The following SMARCB1 variants were observed in gnomAD, a reference collection of about 807,000 sequenced individuals.
SMARCB1 encodes SWI/SNF-related matrix-associated actin-dependent regulator of chromatin subfamily B member 1.
Under a neutral mutation model 49.0 loss-of-function variants are expected in SMARCB1, and 5 were observed. The observed-to-expected ratio is 0.10, with a 90% confidence interval of 0.05 to 0.21. SMARCB1 has a LOEUF of 0.21. Ranked by LOEUF, SMARCB1 falls within the 10% of genes least tolerant of loss-of-function variation. The probability of loss-of-function intolerance (pLI) is 1.00; values close to 1 mark genes in which losing one functional copy is unlikely to be tolerated. For missense variants in SMARCB1, 226 were observed against 509.2 expected (o/e 0.44, Z 5.35); for synonymous variants, 201 against 200.1 (o/e 1.00, Z -0.04).
Position 23,793,626 on chromosome 22 carries a change from G to A in SMARCB1, c.300G>A (p.Leu100=), listed in dbSNP as rs768661574. 2 of 1,614,086 alleles carry A rather than the reference G, an allele frequency of 1.2e-6. No homozygotes were observed. The highest frequency in any genetic ancestry group is 3.3e-5 in the Admixed American group (2 of 60,022). ...AAGCCTCGGAAGTGGAAGAGATTCTGGATGGCAACGATGAGAAGTACAAGG... is the reference window on the plus strand; with the variant it reads ...AAGCCTCGGAAGTGGAAGAGATTCTAGATGGCAACGATGAGAAGTACAAGG... The part of the protein sequence containing the change: ...LLKASEVEEI[L]DGNDEKYKAV... Residue 100 remains leucine (L), a synonymous_variant, in exon 3 of 9, where the codon CTG becomes CTA. Coordinates refer to ENST00000644036, the MANE Select transcript of SMARCB1 (RefSeq NM_003073.5).
intron 5 of SMARCB1, among the ~76,000 whole-genome samples, chr22:23,810,527 CAA>C (rs201408640): frequency 6.3e-5 from 5 of 79,572 alleles, no homozygotes; most frequent in Non-Finnish European, 8.8e-5. Context: ...GACTCTGTCT[CAA>C]AAAAAAAAAA....
rs1272825068 is a variant in SMARCB1, at chr22:23,834,498, TCATGTTCAATTTCTTC to T, written c.*319_*334del. 3.0e-5 allele frequency: 15 copies of T among 507,260 alleles called. No individual in the cohort carries two copies. The highest frequency in any genetic ancestry group is 3.6e-4 in the Middle Eastern group (1 of 2,812). The allele number at this position is 507,260 out of a possible 1,614,324, so 31.4% of individuals were successfully genotyped here. A position where few individuals can be genotyped will look rare whatever the true frequency, so the allele number is the denominator to read the frequency against. ...CAGTTTTTAAATAAAAGGCAACAGG[TCATGTTCAATTTCTTC>T]AACAGGTCATGTTCAATTTCTTCAA... On this transcript the variant is annotated 3_prime_UTR_variant, in exon 9 of 9. Coordinates refer to ENST00000644036, the MANE Select transcript of SMARCB1 (RefSeq NM_003073.5).
rs574082406 is a variant in SMARCB1, at chr22:23,805,407, G to A, written c.628+1985G>A. ...GCCTGTTATCTCTGCCAAGCTCCCC[G>A]TTTATCTCTGCTGGCCCACATCATA... On this transcript the variant is annotated intron_variant, in intron 5 of 8. Coordinates refer to ENST00000644036, the MANE Select transcript of SMARCB1 (RefSeq NM_003073.5). 4.0e-4 allele frequency among the ~76,000 whole-genome samples: 61 copies of A among 152,298 alleles called. No homozygotes were observed. In the South Asian group the frequency reaches 0.011, roughly 27 times the overall value.
chr22:23,825,210 T>C lies in SMARCB1; in HGVS notation c.796-15T>C. 1 of 1,613,186 alleles carries C rather than the reference T, an allele frequency of 6.2e-7. No homozygotes were observed. Among genetic ancestry groups the C allele is most frequent in the South Asian group, 1.1e-5 (1 of 91,064 alleles). ...TGCAAAAGCTCTAACTTGTGTCCTT[T>C]GGTTGTTGCCTCAGCTGAACATCCA... On this transcript the variant is annotated splice_polypyrimidine_tract_variant and intron_variant, in intron 6 of 8. Transcript: ENST00000644036.
Position 23,834,372 on chromosome 22 carries a change from A to ACCCCCCCCCCCCCCCCCCC in SMARCB1, c.*196_*197insCCCCCCCCCCCCCCCCCCC. ...TTGTTGAGCCCCAGTCCTGCCCCCCACCCCACCCTCCCTACCCCTCCCCAG... is the reference window on the plus strand; with the variant it reads ...TTGTTGAGCCCCAGTCCTGCCCCCCACCCCCCCCCCCCCCCCCCCCCCCACCCTCCCTACCCCTCCCCAG... On this transcript the variant is annotated 3_prime_UTR_variant, in exon 9 of 9. Transcript: ENST00000644036. 1 of 388,640 alleles carries ACCCCCCCCCCCCCCCCCCC rather than the reference A, an allele frequency of 2.6e-6. No individual in the cohort carries two copies. Among genetic ancestry groups the ACCCCCCCCCCCCCCCCCCC allele is most frequent in the Non-Finnish European group, 4.6e-6 (1 of 218,296 alleles). 24.1% of individuals were successfully genotyped at this position (388,640 alleles called of 1,614,324 possible). A position where few individuals can be genotyped will look rare whatever the true frequency, so the allele number is the denominator to read the frequency against.
intron 5 of SMARCB1, among the ~76,000 whole-genome samples, chr22:23,806,646 G>A (rs2145988907): frequency 6.6e-6 from 1 of 152,304 alleles, no homozygotes; most frequent in Non-Finnish European, 1.5e-5. Context: ...GATTGGCCAG[G>A]CGTGGTGGCT....
At chr22:23,833,479 A>C in intron 7 of SMARCB1, 93 bp from the exon 8 acceptor site, 1 of 1,555,698 alleles carries the variant, frequency 6.4e-7, no homozygotes, top group Non-Finnish European at 8.8e-7. Context: ...TGCTGCTGGG[A>C]GGAGCAGGGC....
intron 2 of SMARCB1, chr22:23,793,328 C>A (rs1387667993): frequency 3.3e-6 from 2 of 614,166 alleles, no homozygotes; most frequent in Non-Finnish European, 6.0e-6. Flanking sequence ...GCTCCTGGGG[C>A]AGATTAGTCC....
chr22:23,820,561 G>A (rs2030031007), intron 6 of SMARCB1, among the ~76,000 whole-genome samples: 1 of 152,228 alleles, frequency 6.6e-6, no homozygotes, highest in African/African-American at 2.4e-5. Flanking sequence ...CTGACAGCGA[G>A]ACTCTGACTC....
rs886788437 is a variant in SMARCB1, at chr22:23,787,162, C to T, written c.-8C>T. ...GCCCGGCTCCGGCCGCCCGCCTCTG[C>T]CGCCGCAATGATGATGATGGCGCTG... is the stretch of plus-strand genomic sequence containing the variant. On this transcript the variant is annotated 5_prime_UTR_variant, in exon 1 of 9. Transcript: ENST00000644036. 1.3e-6 allele frequency: 2 copies of T among 1,599,630 alleles called. No homozygotes were observed. Among genetic ancestry groups the T allele is most frequent in the African/African-American group, 1.3e-5 (1 of 74,216 alleles).
At chr22:23,806,000 G>A (rs541485308) in intron 5 of SMARCB1, among the ~76,000 whole-genome samples, 5 of 152,344 alleles carry the variant, frequency 3.3e-5, no homozygotes, top group Non-Finnish European at 5.9e-5. Context: ...TAAAGCAAAT[G>A]AAAACGGAGT....
Position 23,837,731 on chromosome 22 carries a change from C to T in SMARCB1, c.*3551C>T, listed in dbSNP as rs1186068358. 3.7e-6 allele frequency: 6 copies of T among 1,613,996 alleles called. 1 individual carries two copies. Among genetic ancestry groups the T allele is most frequent in the Middle Eastern group, 1.7e-4 (1 of 6,060 alleles). On this transcript the variant is annotated 3_prime_UTR_variant, in exon 9 of 9. Coordinates refer to ENST00000644036, the MANE Select transcript of SMARCB1 (RefSeq NM_003073.5). ...ATGAGCGCCCAAGGCAGGAACGGTG[C>T]CTGGAAAGTGAGCAGGCCGAAGAAG... is the stretch of plus-strand genomic sequence containing the variant.
chr22:23,808,461 T>C (rs1929654333), intron 5 of SMARCB1, among the ~76,000 whole-genome samples: 1 of 151,690 alleles, frequency 6.6e-6, no homozygotes, highest in African/African-American at 2.4e-5. Context: ...TTTCACCGTG[T>C]TAGCCAGGAT....
chr22:23,798,439 G>A lies in SMARCB1; in HGVS notation c.363-2505G>A, dbSNP rs138789014. Among the ~76,000 whole-genome samples, 1,264 of 152,184 alleles carry A rather than the reference G, an allele frequency of 8.3e-3. 12 individuals carry two copies. The highest frequency in any genetic ancestry group is 0.024 in the Middle Eastern group (7 of 294). ...AAATTTAAAAATTGCACTCTGAGCG[G>A]CCAGGATTAGGAACTATGACCCAGA... On this transcript the variant is annotated intron_variant, in intron 3 of 8. Transcript: ENST00000644036.
intron 6 of SMARCB1, chr22:23,824,912 G>T: frequency 2.1e-6 from 1 of 477,200 alleles, no homozygotes; most frequent in Non-Finnish European, 3.8e-6. Context: ...GGGCAGAAAG[G>T]AAGGTCCCCA....
At chr22:23,810,412 C>T (rs1929794334) in intron 5 of SMARCB1, among the ~76,000 whole-genome samples, 2 of 150,358 alleles carry the variant, frequency 1.3e-5, no homozygotes, top group African/African-American at 4.9e-5. Flanking sequence ...CCTGTAGTCC[C>T]AGCTACTCAG....
Position 23,834,167 on chromosome 22 carries a change from C to T in SMARCB1, c.1145C>T (p.Ala382Val), listed in dbSNP as rs756129754. The change falls in exon 9 of 9, where the codon GCC becomes GTC. Residue 382 changes from alanine to valine, a missense_variant. Transcript: ENST00000644036. ...CGGATGAGGCGTCTTGCCAACACGGCCCCGGCCTGGTAACCAGCCCATCAG... is the reference window on the plus strand; with the variant it reads ...CGGATGAGGCGTCTTGCCAACACGGTCCCGGCCTGGTAACCAGCCCATCAG... ...TRRMRRLANTAPAW is the reference protein window; with the variant it reads ...TRRMRRLANTVPAW 8.8e-6 allele frequency: 14 copies of T among 1,593,190 alleles called. No individual in the cohort carries two copies. Among genetic ancestry groups the T allele is most frequent in the Non-Finnish European group, 1.2e-5 (14 of 1,170,204 alleles).
chr22:23,787,101 G>C lies in SMARCB1; in HGVS notation c.-69G>C, dbSNP rs1300955734. The stretch of plus-strand genomic sequence containing the variant: ...GCTTCGGTTTCCCTCGGCCCAGCAC[G>C]CCCCGGCCCCGCCCCAGCCCTCCTG... On this transcript the variant is annotated 5_prime_UTR_variant, in exon 1 of 9. Coordinates refer to ENST00000644036, the MANE Select transcript of SMARCB1 (RefSeq NM_003073.5). The C allele has an allele frequency of 1.0e-6, 1 of 1,003,116 alleles. No individual in the cohort carries two copies. The highest frequency in any genetic ancestry group is 1.8e-5 in the Admixed American group (1 of 55,542). The allele number at this position is 1,003,116 out of a possible 1,614,324, so 62.1% of individuals were successfully genotyped here.
At chr22:23,821,567 C>T (rs534327436) in intron 6 of SMARCB1, among the ~76,000 whole-genome samples, 2 of 152,186 alleles carry the variant, frequency 1.3e-5, no homozygotes, top group African/African-American at 2.4e-5. Flanking sequence ...AATGGAGTCT[C>T]GGCTGGGCAC....
Sources: allele counts gnomAD v4.1 joint callset (sites outside exome capture counted in the v4.1 genomes callset), GRCh38; gene constraint gnomAD v4.1.1; transcripts MANE v1.5; gene names NCBI Gene and HGNC (gene_info 2026-07-23, HGNC 2026-07-21).